Variants in ULK2 observed in about 807,000 individuals in gnomAD.
ULK2 encodes the protein unc-51 like autophagy activating kinase 2, also known as serine/threonine-protein kinase ULK2.
A neutral mutation model predicts 127.5 loss-of-function variants in ULK2; 76 were observed. The observed-to-expected ratio is 0.60, with a 90% CI of 0.50 to 0.72. The LOEUF is 0.72. ULK2 is among the 30% of genes least tolerant of loss of function. The pLI is 0.00. For missense variants in ULK2, 1,144 were observed against 1,295.9 expected (o/e 0.88, Z 1.80); for synonymous variants, 452 against 461.9 (o/e 0.98, Z 0.28).
chr17:19,808,258 C>T (rs1322760424), intron 14 of ULK2, among the ~76,000 whole-genome samples: 2 of 152,058 alleles, frequency 1.3e-5, no homozygotes, highest in African/African-American at 4.8e-5. Flanking sequence ...TCTTATCATA[C>T]ACCATACACA....
At chr17:19,826,270 A>C (rs2041294747) in intron 10 of ULK2, 84 bp from the exon 11 acceptor site, 4 of 795,542 alleles carry the variant, frequency 5.0e-6, no homozygotes, top group Non-Finnish European at 7.5e-6. Context: ...CGTATTCAAT[A>C]TAATGTCTTT....
At chr17:19,824,175 T>C (rs2152392437) in intron 12 of ULK2, among the ~76,000 whole-genome samples, 1 of 152,290 alleles carries the variant, frequency 6.6e-6, no homozygotes, top group East Asian at 1.9e-4. Flanking sequence ...AATTGATGTC[T>C]GGGGCAGGGT....
chr17:19,800,158 T>G (rs1296758074), intron 16 of ULK2, among the ~76,000 whole-genome samples: 3 of 152,210 alleles, frequency 2.0e-5, no homozygotes, highest in African/African-American at 4.8e-5. Context: ...CCTGCCCTCC[T>G]TTTCCAGGTG....
intron 20 of ULK2, 139 bp from the exon 21 acceptor site, chr17:19,786,225 A>G: frequency 1.5e-6 from 1 of 672,852 alleles, no homozygotes; most frequent in Non-Finnish European, 2.3e-6. Context: ...AAAAGTACTT[A>G]TTGCTCTTAA....
chr17:19,792,733 A>AAAAAACAAAC (rs2087182397), intron 20 of ULK2, among the ~76,000 whole-genome samples: 1 of 151,726 alleles, frequency 6.6e-6, no homozygotes, highest in Non-Finnish European at 1.5e-5. Context: ...AAAAAACACA[A>AAAAAACAAAC]AAAAACAAAC....
Position 19,843,159 on chromosome 17 carries a change from CTGTTCCTATGCTCCACAAG to C in ULK2, c.588_606del (p.Asp196GlufsTer2), listed in dbSNP as rs754159799. On this transcript the variant is annotated frameshift_variant, in exon 8 of 27. Coordinates refer to ENST00000395544, the MANE Select transcript of ULK2 (RefSeq NM_014683.4). LOFTEE classifies it high-confidence loss of function. ...TTTCCAACTAGGCATTGGTATATCA[CTGTTCCTATGCTCCACAAG>C]TCAGCCTTAGCATCATAATGTTGAG... is the stretch of plus-strand genomic sequence containing the variant. The C allele has an allele frequency of 6.2e-7, 1 of 1,612,306 alleles. No individual in the cohort carries two copies. Among genetic ancestry groups the C allele is most frequent in the Non-Finnish European group, 8.5e-7 (1 of 1,179,568 alleles).
chr17:19,861,477 G>A (rs912384843), intron 3 of ULK2, among the ~76,000 whole-genome samples: 4 of 151,868 alleles, frequency 2.6e-5, no homozygotes, highest in African/African-American at 7.3e-5. Flanking sequence ...CCCAGGAGGC[G>A]AAGCTTGCAG....
rs1048950911 is a variant in ULK2 at position 19,771,415 on chromosome 17, T to C, written c.*4934A>G. On this transcript the variant is annotated 3_prime_UTR_variant, in exon 27 of 27. Coordinates refer to ENST00000395544, the MANE Select transcript of ULK2 (RefSeq NM_014683.4). ...TGGGCAAGCTGGAGAAAGCAACTTC[T>C]ATGCAAGAACTGTGTCCTTTCAGAA... 1.3e-5 allele frequency: 2 copies of C among 152,240 alleles called. No homozygotes were observed. The highest frequency in any genetic ancestry group is 6.5e-5 in the Admixed American group (1 of 15,280). 9.4% of individuals were successfully genotyped at this position (152,240 alleles called of 1,614,324 possible).
At position 19,780,294 on chromosome 17, in the gene ULK2, C is replaced by T. The variant is rs186477551; in HGVS notation, c.2916+178G>A. On this transcript the variant is annotated intron_variant, in intron 25 of 26. Transcript: ENST00000395544. The stretch of plus-strand genomic sequence containing the variant: ...GGATTTGTAATTACTTAAAATACAT[C>T]CAGTAAATGACATTAACAGTTGCTT... Among the ~76,000 whole-genome samples, 772 of 152,172 alleles carry T rather than the reference C, an allele frequency of 5.1e-3. 5 individuals are homozygous for T. The highest frequency in any genetic ancestry group is 0.018 in the African/African-American group (741 of 41,518).
Position 19,838,509 on chromosome 17 carries a change from A to C in ULK2, c.779T>G (p.Met260Arg), listed in dbSNP as rs2041653698. Reference protein sequence around the residue: ...GLLQRNQKDRMDFEAFFSHPF... With the variant: ...GLLQRNQKDRRDFEAFFSHPF... The stretch of plus-strand genomic sequence containing the variant: ...TTAAAACTATTTCTTACCAAAGTCC[A>C]TTCTATCTTTTTGGTTTCTCTGAAG... Residue 260 changes from methionine (M) to arginine (R), a missense_variant, in exon 10 of 27, where the codon ATG becomes AGG. By Grantham distance (91) the Met-to-Arg change is moderately conservative. Coordinates refer to ENST00000395544, the MANE Select transcript of ULK2 (RefSeq NM_014683.4). The C allele has an allele frequency of 6.2e-7, 1 of 1,610,924 alleles. No homozygotes were observed. Among genetic ancestry groups the C allele is most frequent in the Non-Finnish European group, 8.5e-7 (1 of 1,178,912 alleles).
At chr17:19,817,900 CCTT>C (rs1456061224) in intron 12 of ULK2, among the ~76,000 whole-genome samples, 2 of 152,140 alleles carry the variant, frequency 1.3e-5, no homozygotes, top group Non-Finnish European at 1.5e-5. Flanking sequence ...CACAATCTCT[CCTT>C]ATCACTTTTT....
At chr17:19,788,111 G>A (rs9915902) in intron 20 of ULK2, among the ~76,000 whole-genome samples, 4,689 of 152,154 alleles carry the variant, frequency 0.031, 222 homozygotes, top group African/African-American at 0.11. Context: ...AAAGCGCTCC[G>A]GGTCCAAGTG....
chr17:19,857,124 G>A (rs1033715532), intron 3 of ULK2, among the ~76,000 whole-genome samples: 6 of 151,440 alleles, frequency 4.0e-5, no homozygotes, highest in Non-Finnish European at 5.9e-5. Flanking sequence ...TGGCCAATAC[G>A]GCAAAACCTC....
intron 21 of ULK2, 27 bp downstream of exon 21, chr17:19,785,910 G>A (rs753501348): frequency 2.9e-5 from 46 of 1,591,650 alleles, no homozygotes; most frequent in Middle Eastern, 1.7e-4. Context: ...ACTAGCCAAA[G>A]ACTGTAATAT....
chr17:19,860,890 G>A (rs975291073), intron 3 of ULK2: 2 of 151,698 alleles, frequency 1.3e-5, no homozygotes, highest in Admixed American at 6.6e-5. Context: ...TAGAATTCTC[G>A]CCTCCCACGC....
chr17:19,858,466 G>A (rs8066134), intron 3 of ULK2, among the ~76,000 whole-genome samples: 3 of 152,148 alleles, frequency 2.0e-5, no homozygotes, highest in Non-Finnish European at 2.9e-5. Flanking sequence ...TCCTGTAAGA[G>A]TTCCACAATG....
intron 20 of ULK2, among the ~76,000 whole-genome samples, chr17:19,791,494 G>A (rs1355650543): frequency 6.6e-6 from 1 of 152,046 alleles, no homozygotes; most frequent in Non-Finnish European, 1.5e-5. Flanking sequence ...AGACCAGCCT[G>A]GCCAACATGG....
intron 3 of ULK2, among the ~76,000 whole-genome samples, chr17:19,858,958 A>G (rs1004454048): frequency 2.0e-5 from 3 of 152,100 alleles, no homozygotes; most frequent in Non-Finnish European, 4.4e-5. Flanking sequence ...CAACAGAGTG[A>G]AACTCCGTCT....
chr17:19,804,987 C>A (rs193113328), intron 14 of ULK2, among the ~76,000 whole-genome samples, 157 bp from the exon 15 acceptor site: 13 of 151,890 alleles, frequency 8.6e-5, no homozygotes, highest in African/African-American at 2.7e-4. Flanking sequence ...ATATATAAAG[C>A]CAAAAAAAAT....
Sources: gnomAD v4.1 joint callset for allele counts (sites outside exome capture counted in the v4.1 genomes callset) on GRCh38, gnomAD v4.1.1 for gene constraint, MANE v1.5 for transcripts, NCBI Gene and HGNC (gene_info 2026-07-23, HGNC 2026-07-21) for gene names.